DNAAF8: variants seen among roughly 807,000 people sequenced by gnomAD.
The protein encoded by DNAAF8 is dynein axonemal assembly factor 8.
A neutral mutation model predicts 54.6 loss-of-function variants in DNAAF8; 61 were observed. The observed-to-expected ratio is 1.12, with a 90% CI of 0.91 to 1.38. DNAAF8 has a LOEUF of 1.38. Ranked by LOEUF, DNAAF8 falls within the 40% of genes most tolerant of loss-of-function variation. The pLI is 0.00. For synonymous variants in DNAAF8, 320 were observed against 270.1 expected (o/e 1.18, Z -1.81); for missense variants, 837 against 665.0 (o/e 1.26, Z -2.85).
At chr16:4,737,439 G>A (rs1342938886) in intron 2 of DNAAF8, among the ~76,000 whole-genome samples, 1 of 152,200 alleles carries the variant, frequency 6.6e-6, no homozygotes, top group Admixed American at 6.5e-5. Context: ...GGTCACAGGG[G>A]ATGGGGAGGG....
Position 4,746,555 on chromosome 16 carries a change from A to G in DNAAF8, c.1181+43A>G, listed in dbSNP as rs770668493. The G allele has an allele frequency of 1.8e-5, 29 of 1,588,702 alleles. No homozygotes were observed. In the South Asian group the frequency reaches 3.3e-4, roughly 18 times the overall value. The stretch of plus-strand genomic sequence containing the variant: ...TACCCCATACCAGCCTCTACTTTGC[A>G]GAGTTGCCTGTTGACCGCACAGAGC... On this transcript the variant is annotated intron_variant, in intron 7 of 9. Coordinates refer to ENST00000299320, the MANE Select transcript of DNAAF8 (RefSeq NM_139170.3).
chr16:4,747,172 C>A, intron 8 of DNAAF8, 147 bp downstream of exon 8: 3 of 1,201,668 alleles, frequency 2.5e-6, no homozygotes, highest in Non-Finnish European at 3.5e-6. Flanking sequence ...CTTTCATCAT[C>A]CTGCCCACGT....
At chr16:4,746,866 A>C in intron 7 of DNAAF8, 61 bp from the exon 8 acceptor site, 2 of 1,437,204 alleles carry the variant, frequency 1.4e-6, no homozygotes, top group Non-Finnish European at 1.9e-6. Context: ...TTCAAGCCCC[A>C]ACAAGAGTTG....
chr16:4,738,329 G>A (rs1461151934), intron 3 of DNAAF8, among the ~76,000 whole-genome samples: 1 of 152,158 alleles, frequency 6.6e-6, no homozygotes, highest in East Asian at 1.9e-4. Context: ...CCCAGCACCT[G>A]GCGAGTACAC....
At chr16:4,743,213 T>A in intron 5 of DNAAF8, 53 bp downstream of exon 5, 1 of 1,347,368 alleles carries the variant, frequency 7.4e-7, no homozygotes, top group Non-Finnish European at 1.0e-6. Flanking sequence ...AGCACCTTCC[T>A]GGGCCCCTCA....
At chr16:4,745,127 CT>C (rs1177553593) in intron 6 of DNAAF8, 116 bp downstream of exon 6, 4 of 1,324,988 alleles carry the variant, frequency 3.0e-6, no homozygotes, top group Non-Finnish European at 4.1e-6. Context: ...CTCAGTCACT[CT>C]CAAGCATCTG....
intron 4 of DNAAF8, 82 bp from the exon 5 acceptor site, chr16:4,742,961 G>T: frequency 9.2e-7 from 1 of 1,089,556 alleles, no homozygotes; most frequent in South Asian, 1.3e-5. Context: ...CCATCTCCAT[G>T]GGTCACAGCA....
chr16:4,745,019 T>C lies in DNAAF8; in HGVS notation c.1043+8T>C, dbSNP rs1408158851. 6.2e-7 allele frequency: 1 copy of C among 1,612,194 alleles called. No homozygotes were observed. Among genetic ancestry groups the C allele is most frequent in the South Asian group, 1.1e-5 (1 of 91,066 alleles). ...GGCAGATTCAGGAAGCAGGTGGGAC[T>C]TGTAGCCAGGCCCGGCTCCTGTGGT... On this transcript the variant is annotated splice_region_variant and intron_variant, in intron 6 of 9. Transcript: ENST00000299320.
chr16:4,747,753 C>CA, intron 9 of DNAAF8, 119 bp downstream of exon 9: 1 of 1,265,482 alleles, frequency 7.9e-7, no homozygotes. Flanking sequence ...CAGGGACCCT[C>CA]AGACTTTGGA....
At chr16:4,742,868 T>C (rs936685228) in intron 4 of DNAAF8, among the ~76,000 whole-genome samples, 175 bp from the exon 5 acceptor site, 1 of 152,116 alleles carries the variant, frequency 6.6e-6, no homozygotes, top group Non-Finnish European at 1.5e-5. Flanking sequence ...AGGCGTTCAA[T>C]CTGTAATGGA....
intron 7 of DNAAF8, 129 bp from the exon 8 acceptor site, chr16:4,746,798 C>G: frequency 1.1e-6 from 1 of 898,426 alleles, no homozygotes; most frequent in Non-Finnish European, 1.6e-6. Context: ...AGGACGTCCA[C>G]CGGCCTCCAG....
rs762775551 is a variant in DNAAF8 at position 4,740,577 on chromosome 16, C to A, written c.701C>A (p.Pro234His). Reference sequence around the variant, plus strand: ...GACAAAGGTGGGGTGAAGGAGGCGCCCTGCCACGCTGCGGAGTCAGCTCCC... The same window carrying A: ...GACAAAGGTGGGGTGAAGGAGGCGCACTGCCACGCTGCGGAGTCAGCTCCC... ...SSDKGGVKEA[P>H]CHAAESAPRS... is the part of the protein sequence containing the mutation. The change falls in exon 4 of 10, where the codon CCC becomes CAC. Residue 234 changes from proline to histidine, a missense_variant. Physicochemically the swap from Pro to His is moderately conservative, Grantham distance 77 (BLOSUM62 -2). Transcript: ENST00000299320. 48 of 1,613,590 alleles carry A rather than the reference C, an allele frequency of 3.0e-5. No individual in the cohort carries two copies. Among genetic ancestry groups the A allele is most frequent in the Non-Finnish European group, 4.0e-5 (47 of 1,180,034 alleles).
intron 6 of DNAAF8, 48 bp from the exon 7 acceptor site, chr16:4,746,327 A>G (rs1183312809): frequency 7.0e-6 from 11 of 1,567,750 alleles, no homozygotes; most frequent in Non-Finnish European, 3.5e-6. Flanking sequence ...CAGGTCACAG[A>G]GTTATCACAG....
At chr16:4,741,776 C>G (rs576232679) in intron 4 of DNAAF8, among the ~76,000 whole-genome samples, 23 of 151,858 alleles carry the variant, frequency 1.5e-4, no homozygotes, top group African/African-American at 5.6e-4. Context: ...GAGCGAGACT[C>G]CATCTCAAAA....
At chr16:4,742,552 C>CAAAAAAAAAAAA (rs576508321) in intron 4 of DNAAF8, among the ~76,000 whole-genome samples, 2 of 94,688 alleles carry the variant, frequency 2.1e-5, no homozygotes, top group African/African-American at 8.6e-5. Context: ...ACTAAAAATA[C>CAAAAAAAAAAAA]AAAAAAAAAA....
At chr16:4,743,855 G>A (rs969468956) in intron 5 of DNAAF8, 1 of 151,910 alleles carries the variant, frequency 6.6e-6, no homozygotes, top group Non-Finnish European at 1.5e-5. Flanking sequence ...GAGGACATGT[G>A]TGTGCATGTG....
chr16:4,740,516 A>G lies in DNAAF8; in HGVS notation c.640A>G (p.Lys214Glu). Residue 214 changes from lysine (K) to glutamate (E), a missense_variant, in exon 4 of 10, where the codon AAA becomes GAA. Lys to Glu is a moderately conservative substitution (Grantham distance 56, BLOSUM62 1). Coordinates refer to ENST00000299320, the MANE Select transcript of DNAAF8 (RefSeq NM_139170.3). ...GATGATAGAGACGGACATCCTCCAG[A>G]AAGTCACCCGGGATGCCTGCGGCCC... is the stretch of plus-strand genomic sequence containing the variant. ...RKMIETDILQKVTRDACGPTS... is the reference protein window; with the variant it reads ...RKMIETDILQEVTRDACGPTS... 1.2e-6 allele frequency: 2 copies of G among 1,614,106 alleles called. No homozygotes were observed. Among genetic ancestry groups the G allele is most frequent in the South Asian group, 2.2e-5 (2 of 91,086 alleles).
In DNAAF8 at chr16:4,745,010, A is replaced by C. The variant is rs1405230484; in HGVS notation, c.1042A>C (p.Arg348=). ...QDTKEADSGS[R]CASRKQGSQA... is the part of the protein sequence containing the mutation. ...CACCAAAGAGGCAGATTCAGGAAGC[A>C]GGTGGGACTTGTAGCCAGGCCCGGC... The change falls in exon 6 of 10, where the codon AGA becomes CGA. Residue 348 remains arginine, a splice_region_variant and synonymous_variant. Transcript: ENST00000299320. 1.2e-6 allele frequency: 2 copies of C among 1,612,952 alleles called. No individual in the cohort carries two copies. Among genetic ancestry groups the C allele is most frequent in the Non-Finnish European group, 8.5e-7 (1 of 1,179,126 alleles).
Position 4,740,347 on chromosome 16 carries a change from C to A in DNAAF8, c.471C>A (p.Asn157Lys), listed in dbSNP as rs776914513. Residue 157 changes from asparagine to lysine, a missense_variant, in exon 4 of 10, where the codon AAC becomes AAA. Coordinates refer to ENST00000299320, the MANE Select transcript of DNAAF8 (RefSeq NM_139170.3). ...GCGACCTTGGAAGCCTGTCTTTCAA[C>A]ACCAAAGGATCCCAGGGTCCTCCCT... ...LEGDLGSLSFNTKGSQGPPWD... is the reference protein window; with the variant it reads ...LEGDLGSLSFKTKGSQGPPWD... 2 of 1,613,922 alleles carry A rather than the reference C, an allele frequency of 1.2e-6. No individual in the cohort carries two copies. The highest frequency in any genetic ancestry group is 1.7e-6 in the Non-Finnish European group (2 of 1,179,946).
Sources: allele counts gnomAD v4.1 joint callset (sites outside exome capture counted in the v4.1 genomes callset), GRCh38; gene constraint gnomAD v4.1.1; transcripts MANE v1.5; gene names NCBI Gene and HGNC (gene_info 2026-07-23, HGNC 2026-07-21).